PABPC4L: variants seen among roughly 807,000 people sequenced by gnomAD.
The protein encoded by PABPC4L is polyadenylate-binding protein 4-like.
For synonymous variants in PABPC4L, 169 were observed against 164.1 expected (o/e 1.03, Z -0.23); for missense variants, 452 against 451.4 (o/e 1.00, Z -0.01).
chr4:134,146,059 T>C, the PABPC4L span, among the ~76,000 whole-genome samples: 1 of 151,998 alleles, frequency 6.6e-6, no homozygotes, highest in Non-Finnish European at 1.5e-5. Context: ...TTGTTTTGTA[T>C]TAAACAAATG....
At chr4:133,963,553 G>A in the PABPC4L span, among the ~76,000 whole-genome samples, 1 of 152,048 alleles carries the variant, frequency 6.6e-6, no homozygotes, top group African/African-American at 2.4e-5. Context: ...CTATTCAACA[G>A]CTCATGGAAC....
the PABPC4L span, among the ~76,000 whole-genome samples, chr4:134,139,264 T>C: frequency 1.3e-5 from 2 of 151,904 alleles, no homozygotes; most frequent in African/African-American, 4.8e-5. Context: ...TAATGATTGG[T>C]TCATGATAAT....
At chr4:134,001,288 A>C in the PABPC4L span, among the ~76,000 whole-genome samples, 1 of 151,870 alleles carries the variant, frequency 6.6e-6, no homozygotes, top group Non-Finnish European at 1.5e-5. Context: ...ATTAGAGCAC[A>C]GATATTCTAG....
At chr4:134,171,472 GT>G in the PABPC4L span, among the ~76,000 whole-genome samples, 1 of 152,082 alleles carries the variant, frequency 6.6e-6, no homozygotes, top group East Asian at 1.9e-4. Context: ...AAATGGGGCT[GT>G]TTTTTGCTAG....
chr4:133,990,775 G>A, the PABPC4L span, among the ~76,000 whole-genome samples: 3 of 152,256 alleles, frequency 2.0e-5, no homozygotes, highest in African/African-American at 4.8e-5. Context: ...ATGATCAAAG[G>A]TTGGTTTCTG....
chr4:133,976,116 C>G, the PABPC4L span, among the ~76,000 whole-genome samples: 1 of 152,088 alleles, frequency 6.6e-6, no homozygotes, highest in African/African-American at 2.4e-5. Context: ...CTGCCACCTT[C>G]CCCCAACAGA....
the PABPC4L span, among the ~76,000 whole-genome samples, chr4:134,120,481 CT>C: frequency 1.0e-4 from 15 of 149,584 alleles, no homozygotes; most frequent in African/African-American, 3.7e-4. Flanking sequence ...ATTCCTTCTT[CT>C]TGTATGTCCT....
chr4:134,020,538 G>T, the PABPC4L span, among the ~76,000 whole-genome samples: 1 of 151,960 alleles, frequency 6.6e-6, no homozygotes, highest in Non-Finnish European at 1.5e-5. Context: ...CCAACTTTCT[G>T]GGGAGGGAAA....
At chr4:134,039,970 C>T in the PABPC4L span, among the ~76,000 whole-genome samples, 1 of 151,606 alleles carries the variant, frequency 6.6e-6, no homozygotes, top group Admixed American at 6.6e-5. Context: ...TTCACAATTG[C>T]TACAAAAAAA....
At chr4:134,006,476 T>G in the PABPC4L span, among the ~76,000 whole-genome samples, 2 of 151,920 alleles carry the variant, frequency 1.3e-5, no homozygotes, top group African/African-American at 4.8e-5. Flanking sequence ...CTGGGCTTTT[T>G]CAGCCTTTCT....
chr4:134,138,369 G>C, the PABPC4L span, among the ~76,000 whole-genome samples: 83 of 151,782 alleles, frequency 5.5e-4, no homozygotes, highest in African/African-American at 1.8e-3. Flanking sequence ...CTCATTGGAA[G>C]TCAAATTATT....
At chr4:133,996,995 A>AT in the PABPC4L span, among the ~76,000 whole-genome samples, 1 of 152,186 alleles carries the variant, frequency 6.6e-6, no homozygotes, top group Admixed American at 6.5e-5. Context: ...CAGTCTCTAG[A>AT]TAAGACAATC....
At chr4:134,141,373 T>C in the PABPC4L span, among the ~76,000 whole-genome samples, 1 of 148,376 alleles carries the variant, frequency 6.7e-6, no homozygotes, top group Non-Finnish European at 1.5e-5. Context: ...TGGATAAAAA[T>C]GAAAAAAAAA....
At chr4:134,115,588 G>A in the PABPC4L span, among the ~76,000 whole-genome samples, 1 of 151,666 alleles carries the variant, frequency 6.6e-6, no homozygotes, top group African/African-American at 2.4e-5. Flanking sequence ...TCCAGGATAA[G>A]GAAATAACTT....
chr4:133,985,567 G>A, the PABPC4L span, among the ~76,000 whole-genome samples: 2 of 152,034 alleles, frequency 1.3e-5, no homozygotes, highest in Non-Finnish European at 2.9e-5. Context: ...AAGAAAAAAA[G>A]AAGGATATTC....
chr4:134,007,768 T>C, the PABPC4L span, among the ~76,000 whole-genome samples: 2 of 151,680 alleles, frequency 1.3e-5, no homozygotes, highest in Non-Finnish European at 3.0e-5. Context: ...AGAAAATAGA[T>C]GTAAATAATG....
the PABPC4L span, among the ~76,000 whole-genome samples, chr4:134,043,649 A>C: frequency 6.6e-6 from 1 of 151,222 alleles, no homozygotes; most frequent in Non-Finnish European, 1.5e-5. Flanking sequence ...GGAGCTCTAA[A>C]ACTTGCCAAA....
chr4:134,038,355 T>C, the PABPC4L span, among the ~76,000 whole-genome samples: 3 of 152,118 alleles, frequency 2.0e-5, no homozygotes, highest in African/African-American at 7.2e-5. Flanking sequence ...TTAGGGAGGA[T>C]TCCCTCTTTT....
the PABPC4L span, among the ~76,000 whole-genome samples, chr4:134,029,012 G>A: frequency 6.6e-6 from 1 of 152,014 alleles, no homozygotes; most frequent in Non-Finnish European, 1.5e-5. Flanking sequence ...TTAAAAGAAG[G>A]ATACTTTGGA....
Sources: gnomAD v4.1 joint callset for allele counts (sites outside exome capture counted in the v4.1 genomes callset) on GRCh38, gnomAD v4.1.1 for gene constraint, MANE v1.5 for transcripts, NCBI Gene and HGNC (gene_info 2026-07-23, HGNC 2026-07-21) for gene names.